The following KIF1A variants were observed in gnomAD, a reference collection of about 807,000 sequenced individuals.
The protein encoded by KIF1A is kinesin family member 1A.
KIF1A carries 46 observed loss-of-function variants against 227.3 expected under a neutral mutation model. The ratio of observed to expected loss-of-function variants is 0.20; its 90% CI spans 0.16 to 0.26. KIF1A has a LOEUF of 0.26. KIF1A is among the 10% of genes least tolerant of loss of function. The pLI is 1.00. For synonymous variants in KIF1A, 1,022 were observed against 1,012.8 expected, an observed-to-expected ratio of 1.01 and a Z score of -0.17; for missense variants, 1,683 against 2,485.9, an observed-to-expected ratio of 0.68 and a Z score of 6.87.
Position 240,722,011 on chromosome 2 carries a change from C to A in KIF1A, c.4666-127G>T, listed in dbSNP as rs73011011. 8.6e-3 allele frequency: 6,158 copies of A among 719,922 alleles called. 40 individuals carry two copies. The highest frequency in any genetic ancestry group is 0.012 in the Non-Finnish European group (5,058 of 419,316). The allele number at this position is 719,922 out of a possible 1,614,324, so 44.6% of individuals were successfully genotyped here. ...GTTCCGACGCCAGAGCACAGTGGGT[C>A]AAGGTGGGCAGCACCTCCACCCCGC... On this transcript the variant is annotated intron_variant, in intron 43 of 48. Transcript: ENST00000498729.
Position 240,719,042 on chromosome 2 carries a change from C to T in KIF1A, c.5178G>A (p.Gln1726=). Residue 1726 remains glutamine (Q), a synonymous_variant, in exon 47 of 49, where the codon CAG becomes CAA. Coordinates refer to ENST00000498729, the MANE Select transcript of KIF1A (RefSeq NM_001244008.2). ...ERFVLNLATA[Q]VEYSEDQQAM... Reference sequence around the variant, plus strand: ...CCTGCTGGTCCTCACTGTACTCCACCTGGGCAGTGGCCAGGTTGAGCACGA... The same window carrying T: ...CCTGCTGGTCCTCACTGTACTCCACTTGGGCAGTGGCCAGGTTGAGCACGA... 1 of 1,612,228 alleles carries T rather than the reference C, an allele frequency of 6.2e-7. No homozygotes were observed. The highest frequency in any genetic ancestry group is 8.5e-7 in the Non-Finnish European group (1 of 1,179,446).
In KIF1A at chr2:240,766,749, TCACACACA is replaced by T. The variant is rs55815321; in HGVS notation, c.1684+158_1684+165del. Among the ~76,000 whole-genome samples the T allele has an allele frequency of 1.5e-4, 16 of 109,024 alleles. No homozygotes were observed. Among genetic ancestry groups the T allele is most frequent in the African/African-American group, 6.6e-4 (16 of 24,166 alleles). 71.5% of individuals were successfully genotyped at this position (109,024 alleles called of 152,430 possible). On this transcript the variant is annotated intron_variant, in intron 19 of 48. Coordinates refer to ENST00000498729, the MANE Select transcript of KIF1A (RefSeq NM_001244008.2). This position sits in a 1 kb window ranked among gnomAD's most constrained non-coding sequence, Gnocchi z 5.0. ...CTCTCTCTCTCTCTCTCTCTCTCTC[TCACACACA>T]CACACACACACACACACACACACAC...
intron 43 of KIF1A, 134 bp from the exon 44 acceptor site, chr2:240,722,018 G>A (rs2045453785): frequency 4.3e-6 from 3 of 693,064 alleles, no homozygotes; most frequent in Non-Finnish European, 2.5e-6. Context: ...GGTCAAGGTG[G>A]GCAGCACCTC....
rs1559529947 is a variant in KIF1A, at chr2:240,786,756, G to GGGGTGGGGGCC, written c.430-244_430-243insGGCCCCCACCC. Among the ~76,000 whole-genome samples the GGGGTGGGGGCC allele has an allele frequency of 6.9e-4, 44 of 63,694 alleles. 1 individual carries two copies. The highest frequency in any genetic ancestry group is 2.5e-3 in the African/African-American group (42 of 16,968). The allele number at this position is 63,694 out of a possible 152,430, so 41.8% of individuals were successfully genotyped here. A position where few individuals can be genotyped will look rare whatever the true frequency, so the allele number is the denominator to read the frequency against. ...GGCTGCCTGCTGGGCCCCTGAGTGA[G>GGGGTGGGGGCC]AGGGTAGGGGCCACCATCAGGACCC... is the stretch of plus-strand genomic sequence containing the variant. On this transcript the variant is annotated intron_variant, in intron 5 of 48. Transcript: ENST00000498729.
At chr2:240,780,568 G>A (rs28487574) in intron 10 of KIF1A, among the ~76,000 whole-genome samples, 30,347 of 151,706 alleles carry the variant, frequency 0.2, 3,652 homozygotes, top group Non-Finnish European at 0.27. Context: ...ATGATTCCAC[G>A]TAGCTCCCCA....
At position 240,739,800 on chromosome 2, in the gene KIF1A, C is replaced by G. The variant is rs939643402; in HGVS notation, c.3901+258G>C. Among the ~76,000 whole-genome samples the G allele has an allele frequency of 3.3e-5, 5 of 152,152 alleles. No individual in the cohort carries two copies. Among genetic ancestry groups the G allele is most frequent in the Non-Finnish European group, 5.9e-5 (4 of 68,038 alleles). ...GATAAATGTCTGCTGTTTTAAGCTA[C>G]CTGGTTTGTGGTATTTTGTCATGGC... is the stretch of plus-strand genomic sequence containing the variant. On this transcript the variant is annotated intron_variant, in intron 37 of 48. Coordinates refer to ENST00000498729, the MANE Select transcript of KIF1A (RefSeq NM_001244008.2). This position sits in a 1 kb window ranked among gnomAD's most constrained non-coding sequence, Gnocchi z 5.6.
chr2:240,719,229 C>T (rs775865556), intron 46 of KIF1A, 31 bp from the exon 47 acceptor site: 2 of 1,578,804 alleles, frequency 1.3e-6, no homozygotes, highest in Non-Finnish European at 1.7e-6. Context: ...TCGCTGGGGC[C>T]CTCGGTGGGG....
At chr2:240,735,404 C>T (rs773907351) in intron 38 of KIF1A, among the ~76,000 whole-genome samples, 54 of 121,126 alleles carry the variant, frequency 4.5e-4, no homozygotes, top group Non-Finnish European at 8.5e-4. Flanking sequence ...CTCCCTCCTA[C>T]GTCACCCATG....
At chr2:240,734,763 T>A in intron 38 of KIF1A, 2 of 1,303,888 alleles carry the variant, frequency 1.5e-6, no homozygotes, top group Non-Finnish European at 2.0e-6. Flanking sequence ...ACACAAACAA[T>A]CACACGGTTA....
At chr2:240,781,885 C>T in intron 10 of KIF1A, 2 of 985,428 alleles carry the variant, frequency 2.0e-6, no homozygotes, top group Non-Finnish European at 2.4e-6. Flanking sequence ...TGTTCTTAGT[C>T]TCTTGGAACT....
intron 13 of KIF1A, 116 bp from the exon 14 acceptor site, chr2:240,772,712 G>A (rs2052171475): frequency 2.5e-6 from 2 of 801,660 alleles, no homozygotes; most frequent in African/African-American, 1.7e-5. Flanking sequence ...GTGGGTGTGT[G>A]GCCACAAGCA....
At chr2:240,767,431 AC>A in intron 17 of KIF1A, 86 bp from the exon 18 acceptor site, 1 of 1,096,262 alleles carries the variant, frequency 9.1e-7, no homozygotes, top group African/African-American at 1.5e-5. Context: ...CTCTCCAGGC[AC>A]CAGACTACCA....
intron 25 of KIF1A, 98 bp downstream of exon 25, chr2:240,760,567 G>T: frequency 1.1e-6 from 1 of 890,548 alleles, no homozygotes; most frequent in Non-Finnish European, 1.6e-6. Context: ...GTGTCTGCAG[G>T]TACTCGCTGT....
At chr2:240,774,087 C>A (rs2052401421) in intron 12 of KIF1A, 96 bp downstream of exon 12, 1 of 743,666 alleles carries the variant, frequency 1.3e-6, no homozygotes, top group Non-Finnish European at 2.3e-6. Flanking sequence ...CAAAGAGTCG[C>A]CCCTGGTCAC....
intron 28 of KIF1A, 147 bp downstream of exon 28, chr2:240,750,282 G>A (rs2049060917): frequency 3.2e-6 from 2 of 629,970 alleles, no homozygotes; most frequent in Non-Finnish European, 5.6e-6. Context: ...TTGACCCCAG[G>A]GAGAGTGGAG....
intron 28 of KIF1A, chr2:240,748,812 T>C (rs2048888605): frequency 5.4e-6 from 1 of 185,354 alleles, no homozygotes; most frequent in Non-Finnish European, 1.3e-5. Flanking sequence ...CATTTAGAAA[T>C]TATGGGCTAG....
At chr2:240,754,036 T>C (rs1013612381) in intron 27 of KIF1A, among the ~76,000 whole-genome samples, 44 of 152,244 alleles carry the variant, frequency 2.9e-4, no homozygotes, top group Admixed American at 2.7e-3. Flanking sequence ...AGCAGATCGA[T>C]TGTTTCATGC....
At position 240,752,340 on chromosome 2, in the gene KIF1A, C is replaced by T. The variant is rs961267873; in HGVS notation, c.2859-1793G>A. 6.6e-6 allele frequency among the ~76,000 whole-genome samples: 1 copy of T among 152,122 alleles called. No homozygotes were observed. The highest frequency in any genetic ancestry group is 2.4e-5 in the African/African-American group (1 of 41,422). On this transcript the variant is annotated intron_variant, in intron 27 of 48. Coordinates refer to ENST00000498729, the MANE Select transcript of KIF1A (RefSeq NM_001244008.2). The surrounding 1 kb of genome is among the most constrained non-coding windows in gnomAD (Gnocchi z 6.4). Reference sequence around the variant, plus strand: ...TGGAAGCTCACCCTGGCCCTAGTCACGAGAGGACACTGAGGCCCACAGGGC... The same window carrying T: ...TGGAAGCTCACCCTGGCCCTAGTCATGAGAGGACACTGAGGCCCACAGGGC...
At chr2:240,756,337 G>A (rs372291467) in intron 27 of KIF1A, among the ~76,000 whole-genome samples, 3 of 152,128 alleles carry the variant, frequency 2.0e-5, no homozygotes, top group African/African-American at 4.8e-5. Flanking sequence ...CAGCTGTTTC[G>A]TGAGCTGACC....
Sources: gnomAD v4.1 joint callset for allele counts (sites outside exome capture counted in the v4.1 genomes callset) on GRCh38, gnomAD v4.1.1 for gene constraint, Gnocchi (gnomAD v3.1) non-coding constraint, MANE v1.5 for transcripts, NCBI Gene and HGNC (gene_info 2026-07-23, HGNC 2026-07-21) for gene names.